BRSK1: variants seen among roughly 807,000 people sequenced by gnomAD.
BRSK1 encodes serine/threonine-protein kinase BRSK1.
In BRSK1, 17 loss-of-function variants were observed where a neutral mutation model predicts 86.2. The observed-to-expected ratio is 0.20, with a 90% CI of 0.14 to 0.30. The LOEUF (loss-of-function observed/expected upper bound fraction) is 0.30, where lower values mean the gene tolerates loss of function less well. BRSK1 is among the 10% of genes least tolerant of loss of function. The probability of loss-of-function intolerance (pLI) is 1.00; values close to 1 mark genes in which losing one functional copy is unlikely to be tolerated. For synonymous variants in BRSK1, 464 were observed against 440.1 expected (o/e 1.05, Z -0.68); for missense variants, 719 against 1,071.9 (o/e 0.67, Z 4.60).
At chr19:55,305,078 G>T (rs1450660374) in intron 14 of BRSK1, among the ~76,000 whole-genome samples, 158 bp downstream of exon 14, 1 of 152,188 alleles carries the variant, frequency 6.6e-6, no homozygotes, top group Admixed American at 6.5e-5. Flanking sequence ...AGGTGCACCT[G>T]TTGGGGAGAG....
At chr19:55,311,846 C>A in intron 18 of BRSK1, 65 bp from the exon 19 acceptor site, 1 of 1,550,234 alleles carries the variant, frequency 6.5e-7, no homozygotes, top group Non-Finnish European at 8.8e-7. Context: ...TGCCCCCATC[C>A]CCTGGTAATG....
intron 16 of BRSK1, 91 bp downstream of exon 16, chr19:55,305,677 C>T (rs2088639835): frequency 4.5e-6 from 7 of 1,567,850 alleles, no homozygotes; most frequent in African/African-American, 1.4e-5. Context: ...ATAGGCCTGG[C>T]TTCCTCCTGG....
chr19:55,304,552 G>A lies in BRSK1; in HGVS notation c.1349G>A (p.Ser450Asn), dbSNP rs773253522. ...LSSSPLSSPR[S>N]PVFSFSPEPG... ...ATCTCAGTCTCCTGTCCTCTGCAGAGTCCGGTCTTTTCCTTTTCACCGGAG... is the reference window on the plus strand; with the variant it reads ...ATCTCAGTCTCCTGTCCTCTGCAGAATCCGGTCTTTTCCTTTTCACCGGAG... The change falls in exon 14 of 19, where the codon AGT becomes AAT. Residue 450 changes from serine to asparagine, a missense_variant and splice_region_variant. Ser to Asn is a conservative substitution (Grantham distance 46). Transcript: ENST00000309383. The surrounding 1 kb of genome is among the most constrained non-coding windows in gnomAD (Gnocchi z 5.2). 6 of 1,580,390 alleles carry A rather than the reference G, an allele frequency of 3.8e-6. No individual in the cohort carries two copies. Among genetic ancestry groups the A allele is most frequent in the Non-Finnish European group, 5.1e-6 (6 of 1,166,496 alleles).
At chr19:55,290,884 G>A (rs760468256) in intron 4 of BRSK1, among the ~76,000 whole-genome samples, 64 of 151,726 alleles carry the variant, frequency 4.2e-4, no homozygotes, top group Non-Finnish European at 7.4e-4. Context: ...CTCGTAATCC[G>A]TCCGCCTCGG....
intron 7 of BRSK1, among the ~76,000 whole-genome samples, chr19:55,297,151 A>G (rs1949085228): frequency 6.6e-6 from 1 of 152,100 alleles, no homozygotes; most frequent in Non-Finnish European, 1.5e-5. Flanking sequence ...ATCTCGGCTC[A>G]CTGCAACCTC....
In BRSK1 at chr19:55,304,227, TG is replaced by T. The variant is rs752488786; in HGVS notation, c.1347+119del. Reference sequence around the variant, plus strand: ...GTCTTGAGACTTGCTTCTTTGTCCCTGGAGGGCCAAAGACCCAAGGCCTCCA... The same window carrying T: ...GTCTTGAGACTTGCTTCTTTGTCCCTGAGGGCCAAAGACCCAAGGCCTCCA... On this transcript the variant is annotated intron_variant, in intron 13 of 18. Coordinates refer to ENST00000309383, the MANE Select transcript of BRSK1 (RefSeq NM_032430.2). This position sits in a 1 kb window ranked among gnomAD's most constrained non-coding sequence, Gnocchi z 5.2. The T allele has an allele frequency of 3.8e-5, 44 of 1,149,146 alleles. No homozygotes were observed. Among genetic ancestry groups the T allele is most frequent in the Non-Finnish European group, 4.7e-5 (39 of 821,356 alleles). 71.2% of individuals were successfully genotyped at this position (1,149,146 alleles called of 1,614,324 possible).
In BRSK1 at chr19:55,304,149, G is replaced by C. The variant is rs1270308298; in HGVS notation, c.1347+39G>C. ...CCCAGTGGGATTTAAGAAGGAGAAAGGGGTGGAGACATGGAGCAAAGATTG... is the reference window on the plus strand; with the variant it reads ...CCCAGTGGGATTTAAGAAGGAGAAACGGGTGGAGACATGGAGCAAAGATTG... On this transcript the variant is annotated intron_variant, in intron 13 of 18. Coordinates refer to ENST00000309383, the MANE Select transcript of BRSK1 (RefSeq NM_032430.2). The surrounding 1 kb of genome is among the most constrained non-coding windows in gnomAD (Gnocchi z 5.2). The C allele has an allele frequency of 1.5e-5, 24 of 1,576,932 alleles. No individual in the cohort carries two copies. Among genetic ancestry groups the C allele is most frequent in the Non-Finnish European group, 2.1e-5 (24 of 1,155,902 alleles).
At chr19:55,305,667 A>G in intron 16 of BRSK1, 81 bp downstream of exon 16, 1 of 1,592,004 alleles carries the variant, frequency 6.3e-7, no homozygotes, top group Non-Finnish European at 8.6e-7. Context: ...CCACCTTAGC[A>G]TAGGCCTGGC....
intron 7 of BRSK1, among the ~76,000 whole-genome samples, chr19:55,300,609 C>G (rs937914230): frequency 6.6e-6 from 1 of 152,178 alleles, no homozygotes; most frequent in Non-Finnish European, 1.5e-5. Flanking sequence ...GAGGCTGAGG[C>G]AGGTGGATCA....
chr19:55,301,841 C>T (rs1002210613), intron 8 of BRSK1, among the ~76,000 whole-genome samples, 183 bp downstream of exon 8: 4 of 152,164 alleles, frequency 2.6e-5, no homozygotes, highest in Admixed American at 6.5e-5. Flanking sequence ...GAGGGGGCTA[C>T]GCAAGATTGG....
rs2088716716 is a variant in BRSK1, at chr19:55,308,825, TGGGTGGCGGGGGC to T, written c.2179+100_2179+112del. The T allele has an allele frequency of 1.6e-3, 3 of 1,880 alleles. No homozygotes were observed. The South Asian group carries it at 0.027, about 17-fold the overall frequency. 0.1% of individuals were successfully genotyped at this position (1,880 alleles called of 1,614,324 possible). ...CGGGGGGCGTGGGTGGCGGGGGGCGTGGGTGGCGGGGGCGGTGGGTGGCGGGCAGAGGTCCAGC... is the reference window on the plus strand; with the variant it reads ...CGGGGGGCGTGGGTGGCGGGGGGCGTGGTGGGTGGCGGGCAGAGGTCCAGC... On this transcript the variant is annotated intron_variant, in intron 18 of 18. Transcript: ENST00000309383.
chr19:55,306,526 G>C lies in BRSK1; in HGVS notation c.2089+76G>C. The C allele has an allele frequency of 6.5e-7, 1 of 1,535,752 alleles. No individual in the cohort carries two copies. Among genetic ancestry groups the C allele is most frequent in the Non-Finnish European group, 8.9e-7 (1 of 1,124,448 alleles). On this transcript the variant is annotated intron_variant, in intron 17 of 18. Transcript: ENST00000309383. This position sits in a 1 kb window ranked among gnomAD's most constrained non-coding sequence, Gnocchi z 4.7. ...ACAGCTGAGACAGTGTAGGGGCCCA[G>C]GAGTGCAGCAGCAGGAGGAGGAAAT...
chr19:55,311,982 C>T lies in BRSK1; in HGVS notation c.2251C>T (p.Pro751Ser). The T allele has an allele frequency of 6.3e-7, 1 of 1,584,036 alleles. No homozygotes were observed. Among genetic ancestry groups the T allele is most frequent in the Admixed American group, 1.8e-5 (1 of 56,120 alleles). The change falls in exon 19 of 19, where the codon CCA becomes TCA. Residue 751 changes from proline to serine, a missense_variant. Pro to Ser is a moderately conservative substitution (Grantham distance 74). Transcript: ENST00000309383. Reference sequence around the variant, plus strand: ...AAGCCTGCAGCCCCCACCCGGCCGCCCAGACCCAGAGCTGAGCAGCTCTCC... The same window carrying T: ...AAGCCTGCAGCCCCCACCCGGCCGCTCAGACCCAGAGCTGAGCAGCTCTCC... ...PRSLQPPPGRPDPELSSSPRR... is the reference protein window; with the variant it reads ...PRSLQPPPGRSDPELSSSPRR...
chr19:55,295,522 A>T (rs1478577174), intron 7 of BRSK1, among the ~76,000 whole-genome samples: 1 of 152,192 alleles, frequency 6.6e-6, no homozygotes, highest in Non-Finnish European at 1.5e-5. Flanking sequence ...TAACCTTTTC[A>T]TTCACAGAAC....
intron 7 of BRSK1, among the ~76,000 whole-genome samples, chr19:55,296,177 T>C (rs1238641037): frequency 2.6e-5 from 4 of 151,062 alleles, no homozygotes; most frequent in Non-Finnish European, 5.9e-5. Flanking sequence ...CAGACCCCCC[T>C]GTGGTAGGCT....
At position 55,306,562 on chromosome 19, in the gene BRSK1, T is replaced by G; in HGVS notation, c.2089+112T>G. The G allele has an allele frequency of 7.9e-7, 1 of 1,268,934 alleles. No individual in the cohort carries two copies. The highest frequency in any genetic ancestry group is 1.1e-6 in the Non-Finnish European group (1 of 907,822). 78.6% of individuals were successfully genotyped at this position (1,268,934 alleles called of 1,614,324 possible). A position where few individuals can be genotyped will look rare whatever the true frequency, so the allele number is the denominator to read the frequency against. ...GCAGGAGGAGGAAATGGTGTTCAGC[T>G]GGTGCCGACTCTCTGTGCTCCTCCT... On this transcript the variant is annotated intron_variant, in intron 17 of 18. Transcript: ENST00000309383. The surrounding 1 kb of genome is among the most constrained non-coding windows in gnomAD (Gnocchi z 4.7).
In BRSK1 at chr19:55,303,302, C is replaced by T. The variant is rs765326854; in HGVS notation, c.1029-9C>T. The T allele has an allele frequency of 5.0e-6, 8 of 1,611,196 alleles. No individual in the cohort carries two copies. The highest frequency in any genetic ancestry group is 4.0e-5 in the African/African-American group (3 of 74,862). Reference sequence around the variant, plus strand: ...TACCTCTTTCCACCTTTCCCACCCCCTGCCTTAGGGAGAACCAAGAAAAGA... The same window carrying T: ...TACCTCTTTCCACCTTTCCCACCCCTTGCCTTAGGGAGAACCAAGAAAAGA... On this transcript the variant is annotated splice_polypyrimidine_tract_variant and intron_variant, in intron 10 of 18. Transcript: ENST00000309383. The surrounding 1 kb of genome is among the most constrained non-coding windows in gnomAD (Gnocchi z 5.1).
intron 18 of BRSK1, among the ~76,000 whole-genome samples, chr19:55,311,429 G>A (rs1371174324): frequency 6.6e-6 from 1 of 152,120 alleles, no homozygotes; most frequent in Non-Finnish European, 1.5e-5. Flanking sequence ...AGTCAGGCTG[G>A]CCCAGCATGA....
At chr19:55,290,291 C>T (rs934370033) in intron 4 of BRSK1, among the ~76,000 whole-genome samples, 6 of 152,148 alleles carry the variant, frequency 3.9e-5, no homozygotes, top group South Asian at 2.1e-4. Flanking sequence ...CCACCACTCC[C>T]GGCCTCTTTG....
Sources: gnomAD v4.1 joint callset for allele counts (sites outside exome capture counted in the v4.1 genomes callset) on GRCh38, gnomAD v4.1.1 for gene constraint, Gnocchi (gnomAD v3.1) non-coding constraint, MANE v1.5 for transcripts, NCBI Gene and HGNC (gene_info 2026-07-23, HGNC 2026-07-21) for gene names.